The following TRIM13 variants were observed in gnomAD, a reference collection of about 807,000 sequenced individuals.
The protein encoded by TRIM13 is E3 ubiquitin-protein ligase TRIM13.
TRIM13 carries 15 observed loss-of-function variants against 27.1 expected under a neutral mutation model. That is an observed-to-expected ratio of 0.55 (90% CI 0.37 to 0.85). The LOEUF is 0.85. Among genes scored for constraint, TRIM13 ranks in the 40% least tolerant of loss-of-function variants. The pLI, the probability that TRIM13 is intolerant of heterozygous loss-of-function variation, is 0.00. For synonymous variants in TRIM13, 193 were observed against 171.5 expected, an observed-to-expected ratio of 1.13 and a Z score of -0.98; for missense variants, 402 against 472.2, an observed-to-expected ratio of 0.85 and a Z score of 1.38.
intron 1 of TRIM13, among the ~76,000 whole-genome samples, chr13:50,007,488 C>CAAAAAAAAAAAAA (rs1469454855): frequency 3.0e-4 from 19 of 64,392 alleles, no homozygotes; most frequent in African/African-American, 1.0e-3. Context: ...GACTCTGTCT[C>CAAAAAAAAAAAAA]AAAAAAAAAA....
At chr13:50,000,060 T>C (rs1873832251) in intron 1 of TRIM13, among the ~76,000 whole-genome samples, 2 of 152,178 alleles carry the variant, frequency 1.3e-5, no homozygotes, top group South Asian at 4.1e-4. Context: ...TCCTACCCCA[T>C]AACTTTTATT....
chr13:50,011,842 T>A, intron 1 of TRIM13, 93 bp from the exon 2 acceptor site: 1 of 1,416,556 alleles, frequency 7.1e-7, no homozygotes, highest in Non-Finnish European at 9.5e-7. Flanking sequence ...CAGTGAAAAA[T>A]CATTTTAACG....
In TRIM13 at chr13:50,016,324, G is replaced by T; in HGVS notation, c.*3160G>T. The T allele has an allele frequency of 2.5e-6, 1 of 400,342 alleles. No individual in the cohort carries two copies. The highest frequency in any genetic ancestry group is 4.6e-6 in the Non-Finnish European group (1 of 215,242). The allele number at this position is 400,342 out of a possible 1,614,324, so 24.8% of individuals were successfully genotyped here. A position where few individuals can be genotyped will look rare whatever the true frequency, so the allele number is the denominator to read the frequency against. On this transcript the variant is annotated 3_prime_UTR_variant, in exon 2 of 2. Coordinates refer to ENST00000378182, the MANE Select transcript of TRIM13 (RefSeq NM_213590.3). The stretch of plus-strand genomic sequence containing the variant: ...ACTGCCCAGAAAAAACTGAGACTAT[G>T]GACATTCAAATCATGGGAGAAAATA...
chr13:50,010,887 A>C (rs1405973758), intron 1 of TRIM13, among the ~76,000 whole-genome samples: 1 of 152,226 alleles, frequency 6.6e-6, no homozygotes, highest in Non-Finnish European at 1.5e-5. Context: ...TCTTCACTTA[A>C]GTGCTTTTTC....
Position 50,015,520 on chromosome 13 carries a change from G to C in TRIM13, c.*2356G>C, listed in dbSNP as rs1876427728. On this transcript the variant is annotated 3_prime_UTR_variant, in exon 2 of 2. Transcript: ENST00000378182. ...TGAGTAGTCAGGAACTGGTCACTTT[G>C]AATGTGGGAGGGAAGATATTCACGA... 1 of 1,613,414 alleles carries C rather than the reference G, an allele frequency of 6.2e-7. No individual in the cohort carries two copies.
intron 1 of TRIM13, among the ~76,000 whole-genome samples, chr13:50,007,005 AC>A (rs770596500): frequency 1.3e-4 from 20 of 151,188 alleles, no homozygotes; most frequent in Non-Finnish European, 2.1e-4. Flanking sequence ...ACATGGTGAA[AC>A]CCTGTCTCCA....
rs1003940021 is a variant in TRIM13 at position 50,012,788 on chromosome 13, C to G, written c.848C>G (p.Thr283Ser). The G allele has an allele frequency of 2.5e-6, 4 of 1,614,026 alleles. No individual in the cohort carries two copies. The highest frequency in any genetic ancestry group is 2.5e-6 in the Non-Finnish European group (3 of 1,179,990). Reference protein sequence around the residue: ...PASPLMKNFDTSQWEDIKLVD... With the variant: ...PASPLMKNFDSSQWEDIKLVD... The stretch of plus-strand genomic sequence containing the variant: ...AGCCCTTTAATGAAGAACTTTGATA[C>G]CAGTCAGTGGGAAGACATAAAACTA... Residue 283 changes from threonine to serine, a missense_variant, in exon 2 of 2, where the codon ACC becomes AGC. Transcript: ENST00000378182.
intron 1 of TRIM13, among the ~76,000 whole-genome samples, chr13:49,998,516 G>T (rs1873554490): frequency 6.6e-6 from 1 of 152,152 alleles, no homozygotes; most frequent in Non-Finnish European, 1.5e-5. Flanking sequence ...TAAATGTGTA[G>T]AGTTTGCCAT....
Position 50,000,620 on chromosome 13 carries a change from A to T in TRIM13, c.-7+2857A>T, listed in dbSNP as rs1873907763. On this transcript the variant is annotated intron_variant, in intron 1 of 1. Transcript: ENST00000378182. ...AGGGGATAGGATACAAAATTGTATTATGCTACCAGTTCTGTTAAAATGTGT... is the reference window on the plus strand; with the variant it reads ...AGGGGATAGGATACAAAATTGTATTTTGCTACCAGTTCTGTTAAAATGTGT... Among the ~76,000 whole-genome samples, 3 of 152,362 alleles carry T rather than the reference A, an allele frequency of 2.0e-5. No individual in the cohort carries two copies. The South Asian group carries it at 6.2e-4, about 32-fold the overall frequency.
Position 50,012,627 on chromosome 13 carries a change from A to G in TRIM13, c.687A>G (p.Gln229=). 1 of 1,614,150 alleles carries G rather than the reference A, an allele frequency of 6.2e-7. No individual in the cohort carries two copies. Among genetic ancestry groups the G allele is most frequent in the Non-Finnish European group, 8.5e-7 (1 of 1,180,008 alleles). ...INKLNTILQE[Q]RMAFNIAEAF... is the part of the protein sequence containing the mutation. ...AACTCAACACCATCTTGCAGGAGCA[A>G]CGGATGGCCTTTAACATTGCTGAGG... Residue 229 remains glutamine, a synonymous_variant, in exon 2 of 2, where the codon CAA becomes CAG. Transcript: ENST00000378182.
At position 50,015,615 on chromosome 13, in the gene TRIM13, A is replaced by G. The variant is rs375378114; in HGVS notation, c.*2451A>G. 18 of 1,614,112 alleles carry G rather than the reference A, an allele frequency of 1.1e-5. No homozygotes were observed. Among genetic ancestry groups the G allele is most frequent in the Non-Finnish European group, 1.5e-5 (18 of 1,179,960 alleles). On this transcript the variant is annotated 3_prime_UTR_variant, in exon 2 of 2. Transcript: ENST00000378182. The stretch of plus-strand genomic sequence containing the variant: ...CGCATGTTAGATGGCAGAGACCAAG[A>G]ATTCAAGATGGTTGGTGGCCAGATT...
In TRIM13 at chr13:50,012,219, A is replaced by C; in HGVS notation, c.279A>C (p.Val93=). 3 of 1,614,182 alleles carry C rather than the reference A, an allele frequency of 1.9e-6. No individual in the cohort carries two copies. The highest frequency in any genetic ancestry group is 2.2e-5 in the South Asian group (2 of 91,080). The change falls in exon 2 of 2, where the codon GTA becomes GTC. Residue 93 remains valine (V), a synonymous_variant. Transcript: ENST00000378182. ...NKIKISPKMP[V]CKGHLGQPLN... ...TCAAGATCTCTCCCAAAATGCCAGT[A>C]TGCAAAGGACACTTGGGGCAGCCTC...
Position 50,004,932 on chromosome 13 carries a change from C to T in TRIM13, c.-6-7003C>T, listed in dbSNP as rs1377871729. On this transcript the variant is annotated intron_variant, in intron 1 of 1. Coordinates refer to ENST00000378182, the MANE Select transcript of TRIM13 (RefSeq NM_213590.3). ...CTCTACTAAAAATACAAAAATTAGC[C>T]GGGTGTGGTGGCGGGCACCTGTAAT... 1.2e-3 allele frequency among the ~76,000 whole-genome samples: 189 copies of T among 151,328 alleles called. 1 individual carries two copies. Among genetic ancestry groups the T allele is most frequent in the African/African-American group, 4.2e-3 (171 of 41,086 alleles).
Position 50,002,209 on chromosome 13 carries a change from C to T in TRIM13, c.-7+4446C>T, listed in dbSNP as rs1236419325. On this transcript the variant is annotated intron_variant, in intron 1 of 1. Transcript: ENST00000378182. ...TTTGAGTCCAGCCTGGCCAACATGG[C>T]GAAACCCCGTCTCTATTAAAAACAT... Among the ~76,000 whole-genome samples the T allele has an allele frequency of 2.0e-5, 3 of 152,126 alleles. No homozygotes were observed. The East Asian group carries it at 5.8e-4, about 29-fold the overall frequency.
In TRIM13 at chr13:50,011,983, A is replaced by T; in HGVS notation, c.43A>T (p.Ser15Cys). The T allele has an allele frequency of 6.2e-7, 1 of 1,613,364 alleles. No individual in the cohort carries two copies. Among genetic ancestry groups the T allele is most frequent in the Non-Finnish European group, 8.5e-7 (1 of 1,179,850 alleles). Residue 15 changes from serine to cysteine, a missense_variant, in exon 2 of 2, where the codon AGT becomes TGT. Coordinates refer to ENST00000378182, the MANE Select transcript of TRIM13 (RefSeq NM_213590.3). ...AGATCTCACATGCCCTATTTGTTGT[A>T]GTCTGTTTGATGATCCACGGGTTTT... ...EEDLTCPICC[S>C]LFDDPRVLPC...
At chr13:49,997,936 C>T (rs1366791003) in intron 1 of TRIM13, among the ~76,000 whole-genome samples, 173 bp downstream of exon 1, 1 of 152,134 alleles carries the variant, frequency 6.6e-6, no homozygotes, top group Non-Finnish European at 1.5e-5. Context: ...ACAGAATTCA[C>T]GTTTAGCAAT....
intron 1 of TRIM13, among the ~76,000 whole-genome samples, chr13:49,998,719 A>C (rs755132590): frequency 1.3e-5 from 2 of 152,074 alleles, no homozygotes; most frequent in Non-Finnish European, 2.9e-5. Context: ...ACTTGAGGTC[A>C]GGAGTTCAAG....
intron 1 of TRIM13, among the ~76,000 whole-genome samples, chr13:50,004,462 C>CA (rs1360814148): frequency 2.4e-4 from 36 of 151,202 alleles, no homozygotes; most frequent in Middle Eastern, 6.8e-3. Flanking sequence ...GATACTCCCT[C>CA]AAAAAAAACA....
chr13:50,008,197 T>TAA (rs2138390069), intron 1 of TRIM13, among the ~76,000 whole-genome samples: 1 of 152,236 alleles, frequency 6.6e-6, no homozygotes, highest in Non-Finnish European at 1.5e-5. Context: ...GAGCCACCCG[T>TAA]GCCCGGCCAA....
Sources: allele counts gnomAD v4.1 joint callset (sites outside exome capture counted in the v4.1 genomes callset), GRCh38; gene constraint gnomAD v4.1.1; transcripts MANE v1.5; gene names NCBI Gene and HGNC (gene_info 2026-07-23, HGNC 2026-07-21).